LRRTM4: variants seen among roughly 807,000 people sequenced by gnomAD.
LRRTM4 encodes leucine-rich repeat transmembrane neuronal protein 4.
LRRTM4 carries 25 observed loss-of-function variants against 47.6 expected under a neutral mutation model. That is an observed-to-expected ratio of 0.53 (90% confidence interval 0.38 to 0.73). LRRTM4 has a LOEUF of 0.73. Ranked by LOEUF, LRRTM4 falls within the 30% of genes least tolerant of loss-of-function variation. LRRTM4 has a pLI of 0.00. For missense variants in LRRTM4, 638 were observed against 713.4 expected (o/e 0.89, Z 1.20); for synonymous variants, 311 against 269.5 (o/e 1.15, Z -1.51).
intron 3 of LRRTM4, among the ~76,000 whole-genome samples, chr2:76,841,331 C>T (rs540008000): frequency 4.4e-4 from 66 of 151,556 alleles, no homozygotes; most frequent in South Asian, 4.0e-3. Context: ...TGCTAAATGA[C>T]GAGTTAATGG....
intron 3 of LRRTM4, among the ~76,000 whole-genome samples, chr2:77,004,695 A>G (rs1454682876): frequency 6.6e-6 from 1 of 152,078 alleles, no homozygotes; most frequent in Non-Finnish European, 1.5e-5. Context: ...AGATCCACTG[A>G]CAACTTTTGT....
chr2:77,491,496 AAAGT>A (rs1678160534), intron 3 of LRRTM4, among the ~76,000 whole-genome samples: 1 of 152,110 alleles, frequency 6.6e-6, no homozygotes, highest in African/African-American at 2.4e-5. Flanking sequence ...AGAGTACTAT[AAAGT>A]AAGATTCCAC....
chr2:76,796,262 GC>G (rs1193493499), intron 3 of LRRTM4, among the ~76,000 whole-genome samples: 1 of 74,682 alleles, frequency 1.3e-5, no homozygotes, highest in Non-Finnish European at 2.3e-5. Flanking sequence ...CATTGAACAG[GC>G]TTGATTAGGT....
chr2:77,328,163 T>C (rs748477742), intron 3 of LRRTM4, among the ~76,000 whole-genome samples: 17 of 152,210 alleles, frequency 1.1e-4, no homozygotes, highest in Non-Finnish European at 2.4e-4. Context: ...ATAGGTTTTA[T>C]CCATTAACTC....
At chr2:77,201,757 C>A (rs1361385382) in intron 3 of LRRTM4, among the ~76,000 whole-genome samples, 1 of 151,998 alleles carries the variant, frequency 6.6e-6, no homozygotes, top group Non-Finnish European at 1.5e-5. Flanking sequence ...TCACAGCTTG[C>A]TGGGATTTTT....
At chr2:76,894,923 TA>T (rs1673364607) in intron 3 of LRRTM4, among the ~76,000 whole-genome samples, 1 of 150,314 alleles carries the variant, frequency 6.7e-6, no homozygotes, top group Non-Finnish European at 1.5e-5. Context: ...TACAACTCAT[TA>T]ATAATTTATG....
intron 3 of LRRTM4, among the ~76,000 whole-genome samples, chr2:76,794,456 C>A (rs1230183330): frequency 6.6e-6 from 1 of 152,078 alleles, no homozygotes; most frequent in South Asian, 2.1e-4. Context: ...TAGTTGTGAA[C>A]AATAGTTTTT....
intron 3 of LRRTM4, among the ~76,000 whole-genome samples, chr2:77,083,170 A>C (rs910294986): frequency 1.2e-4 from 19 of 152,298 alleles, no homozygotes; most frequent in South Asian, 8.3e-4. Flanking sequence ...TCCATAAAAC[A>C]ATTGCAGCAT....
At chr2:77,024,823 C>T (rs1436710519) in intron 3 of LRRTM4, among the ~76,000 whole-genome samples, 8 of 152,052 alleles carry the variant, frequency 5.3e-5, no homozygotes, top group Non-Finnish European at 2.9e-5. Flanking sequence ...GAATCTAGTA[C>T]ACTGTTTCTC....
chr2:77,203,912 T>C (rs1049086303), intron 3 of LRRTM4, among the ~76,000 whole-genome samples: 2 of 152,172 alleles, frequency 1.3e-5, no homozygotes, highest in African/African-American at 4.8e-5. Flanking sequence ...AAGTCTGAGG[T>C]AAAGTTCATT....
At chr2:77,096,966 CAT>C (rs1192275694) in intron 3 of LRRTM4, among the ~76,000 whole-genome samples, 3 of 151,700 alleles carry the variant, frequency 2.0e-5, no homozygotes, top group African/African-American at 7.2e-5. Flanking sequence ...CATATGCTAA[CAT>C]ATATACATAT....
chr2:76,933,713 C>G (rs568627654), intron 3 of LRRTM4, among the ~76,000 whole-genome samples: 2 of 152,098 alleles, frequency 1.3e-5, no homozygotes, highest in African/African-American at 4.8e-5. Context: ...AAGGTGTTGA[C>G]TGGATCTGAG....
intron 3 of LRRTM4, among the ~76,000 whole-genome samples, chr2:76,905,437 G>C (rs898138259): frequency 1.3e-5 from 2 of 152,146 alleles, no homozygotes; most frequent in African/African-American, 4.8e-5. Context: ...CTAAAAACCA[G>C]AGCACCTCTC....
At chr2:77,186,123 C>T (rs577451094) in intron 3 of LRRTM4, among the ~76,000 whole-genome samples, 1 of 152,186 alleles carries the variant, frequency 6.6e-6, no homozygotes, top group East Asian at 1.9e-4. Context: ...CTTTCATTTC[C>T]ATGAATTTCT....
At chr2:77,028,093 GTAAT>G (rs1451942585) in intron 3 of LRRTM4, among the ~76,000 whole-genome samples, 13 of 152,026 alleles carry the variant, frequency 8.6e-5, no homozygotes, top group African/African-American at 2.9e-4. Flanking sequence ...AAACATATAA[GTAAT>G]TATTTATTGC....
chr2:77,268,793 C>A (rs1349482665), intron 3 of LRRTM4, among the ~76,000 whole-genome samples: 1 of 152,092 alleles, frequency 6.6e-6, no homozygotes, highest in African/African-American at 2.4e-5. Flanking sequence ...CTAAACTAGC[C>A]ATAATGACTT....
rs142590611 is a variant in LRRTM4 at position 77,079,846 on chromosome 2, T to C, written c.1552-330930A>G. Reference sequence around the variant, plus strand: ...CTATTCTTTTACTTTTTTTTAGTTTTCTGTATGTTCCAGTTTTAAAATGAT... The same window carrying C: ...CTATTCTTTTACTTTTTTTTAGTTTCCTGTATGTTCCAGTTTTAAAATGAT... On this transcript the variant is annotated intron_variant, in intron 3 of 3. Coordinates refer to ENST00000409884, the MANE Select transcript of LRRTM4 (RefSeq NM_001134745.3). Among the ~76,000 whole-genome samples the C allele has an allele frequency of 9.0e-3, 1,363 of 152,192 alleles. 23 individuals are homozygous for C. Among genetic ancestry groups the C allele is most frequent in the African/African-American group, 0.031 (1,301 of 41,566 alleles).
chr2:77,006,234 C>G (rs529167224), intron 3 of LRRTM4, among the ~76,000 whole-genome samples: 1 of 152,202 alleles, frequency 6.6e-6, no homozygotes, highest in African/African-American at 2.4e-5. Context: ...TTAGAATGGG[C>G]TAGGATCCAT....
At chr2:77,107,250 T>A (rs368586776) in intron 3 of LRRTM4, among the ~76,000 whole-genome samples, 1,416 of 135,322 alleles carry the variant, frequency 0.01, 21 homozygotes, top group African/African-American at 0.044. Context: ...AGAAAACACA[T>A]TTAATAACTC....
Sources: allele counts gnomAD v4.1 joint callset (sites outside exome capture counted in the v4.1 genomes callset), GRCh38; gene constraint gnomAD v4.1.1; transcripts MANE v1.5; gene names NCBI Gene and HGNC (gene_info 2026-07-23, HGNC 2026-07-21).